The following OSBPL10 variants were observed in gnomAD, a reference collection of about 807,000 sequenced individuals.
OSBPL10 encodes the protein oxysterol binding protein like 10.
A neutral mutation model predicts 81.7 loss-of-function variants in OSBPL10; 49 were observed. That is an observed-to-expected ratio of 0.60 (90% CI 0.48 to 0.76). OSBPL10 has a LOEUF of 0.76. Among genes scored for constraint, OSBPL10 ranks in the 30% least tolerant of loss-of-function variants. OSBPL10 has a pLI of 0.00. For synonymous variants in OSBPL10, 419 were observed against 383.6 expected (o/e 1.09, Z -1.08); for missense variants, 923 against 987.8 (o/e 0.93, Z 0.88).
chr3:31,853,901 A>G (rs965238753), intron 3 of OSBPL10, among the ~76,000 whole-genome samples: 2 of 152,244 alleles, frequency 1.3e-5, no homozygotes, highest in Non-Finnish European at 2.9e-5. Context: ...AACCTAAGGC[A>G]GTTATTTATA....
rs778990882 is a variant in OSBPL10 at position 31,879,650 on chromosome 3, C to T, written c.457+5G>A. 1.9e-6 allele frequency: 3 copies of T among 1,606,652 alleles called. No individual in the cohort carries two copies. Among genetic ancestry groups the T allele is most frequent in the South Asian group, 2.2e-5 (2 of 89,668 alleles). ...GTCTGAAAAGTTACTGGGAGAAGAA[C>T]GCACCTCTCAGTTTAAACATCTCTC... is the stretch of plus-strand genomic sequence containing the variant. On this transcript the variant is annotated splice_donor_5th_base_variant and intron_variant, in intron 2 of 11. Coordinates refer to ENST00000396556, the MANE Select transcript of OSBPL10 (RefSeq NM_017784.5).
intron 4 of OSBPL10, among the ~76,000 whole-genome samples, chr3:31,812,728 AAGAAAGAAAGAAAGAAAGAAAG>A (rs1699720160): frequency 1.1e-4 from 2 of 17,682 alleles, no homozygotes; most frequent in Non-Finnish European, 1.9e-4. Flanking sequence ...AAAAGAAAGA[AAGAAAGAAAGAAAGAAAGAAAG>A]AAAGAAAGAA....
chr3:32,039,943 C>A (rs989418616), intron 2 of OSBPL10, among the ~76,000 whole-genome samples: 1 of 152,134 alleles, frequency 6.6e-6, no homozygotes, highest in African/African-American at 2.4e-5. Context: ...CCTGGCAGAT[C>A]AAATTCAACA....
chr3:31,811,315 G>T (rs748526802), intron 4 of OSBPL10, among the ~76,000 whole-genome samples: 77 of 152,188 alleles, frequency 5.1e-4, no homozygotes, highest in Non-Finnish European at 9.3e-4. Context: ...CCTTTGATGA[G>T]GAAGCCTCCA....
intron 4 of OSBPL10, among the ~76,000 whole-genome samples, chr3:31,760,387 G>A (rs9856466): frequency 1.1e-4 from 16 of 152,268 alleles, no homozygotes; most frequent in African/African-American, 3.1e-4. Flanking sequence ...CCAGGACTCC[G>A]CCTGGATATC....
Position 31,824,522 on chromosome 3 carries a change from G to A in OSBPL10, c.729+5518C>T, listed in dbSNP as rs115417084. Among the ~76,000 whole-genome samples the A allele has an allele frequency of 4.4e-3, 667 of 152,284 alleles. 5 individuals are homozygous for A. The highest frequency in any genetic ancestry group is 0.015 in the African/African-American group (629 of 41,554). ...GACCGATGGTTGCTACAAGAGCACT[G>A]GAAACGATCGCAAGGTTTGATATGT... On this transcript the variant is annotated intron_variant, in intron 4 of 11. Coordinates refer to ENST00000396556, the MANE Select transcript of OSBPL10 (RefSeq NM_017784.5).
intron 1 of OSBPL10, among the ~76,000 whole-genome samples, chr3:32,076,609 G>A (rs1178572544): frequency 1.3e-5 from 2 of 152,082 alleles, no homozygotes; most frequent in Non-Finnish European, 2.9e-5. Flanking sequence ...CTAGACAGCC[G>A]TTTTATCAAG....
chr3:31,990,965 A>G (rs1293089429), intron 2 of OSBPL10: 1 of 1,574,556 alleles, frequency 6.4e-7, no homozygotes, highest in African/African-American at 1.4e-5. Context: ...AAGCGTGGCA[A>G]GGTCTTCAGT....
intron 1 of OSBPL10, among the ~76,000 whole-genome samples, chr3:31,888,618 G>A (rs563092443): frequency 3.4e-4 from 51 of 151,582 alleles, no homozygotes; most frequent in African/African-American, 8.7e-4. Flanking sequence ...AAACAACAGC[G>A]AAAAAAAACC....
chr3:32,030,441 C>T, intron 2 of OSBPL10: 1 of 678,376 alleles, frequency 1.5e-6, no homozygotes, highest in Non-Finnish European at 2.7e-6. Context: ...AAGTTAAGGG[C>T]AAGATTCTTG....
chr3:31,738,846 T>C (rs1041917339), intron 5 of OSBPL10, among the ~76,000 whole-genome samples: 1 of 152,018 alleles, frequency 6.6e-6, no homozygotes, highest in African/African-American at 2.4e-5. Flanking sequence ...TTGAAAATAT[T>C]TACCAATGTA....
intron 1 of OSBPL10, among the ~76,000 whole-genome samples, chr3:31,924,103 A>G (rs1696997460): frequency 6.6e-6 from 1 of 151,848 alleles, no homozygotes; most frequent in Admixed American, 6.6e-5. Context: ...CTGGAATCCC[A>G]GCTACTTGGG....
At chr3:31,960,389 T>C (rs1698126189) in intron 1 of OSBPL10, 1 of 152,200 alleles carries the variant, frequency 6.6e-6, no homozygotes, top group Non-Finnish European at 1.5e-5. Flanking sequence ...GAACCCTGCA[T>C]TCAGGGTATT....
chr3:31,962,248 C>T (rs1398039431), intron 1 of OSBPL10, among the ~76,000 whole-genome samples: 10 of 152,178 alleles, frequency 6.6e-5, no homozygotes, highest in Non-Finnish European at 1.0e-4. Flanking sequence ...GGAGCCACCG[C>T]GCCTGGCCGG....
intron 6 of OSBPL10, chr3:31,708,680 T>C (rs1026347375): frequency 7.2e-6 from 7 of 967,312 alleles, no homozygotes; most frequent in Non-Finnish European, 8.6e-6. Flanking sequence ...AGTTTTGGCA[T>C]ATGAATGCCA....
chr3:31,806,935 G>A (rs1206964217), intron 4 of OSBPL10, among the ~76,000 whole-genome samples: 2 of 152,088 alleles, frequency 1.3e-5, no homozygotes, highest in African/African-American at 2.4e-5. Context: ...GGGTCTGGGA[G>A]GGAGGATTCT....
In OSBPL10 at chr3:31,677,339, C is replaced by T. The variant is rs140554281; in HGVS notation, c.1726+6295G>A. ...TTAATTAATACAAAAGATAAGGGGA[C>T]GCAGCTACTGAAGGGACTTAGGCAA... On this transcript the variant is annotated intron_variant, in intron 8 of 11. Coordinates refer to ENST00000396556, the MANE Select transcript of OSBPL10 (RefSeq NM_017784.5). Among the ~76,000 whole-genome samples the T allele has an allele frequency of 2.4e-4, 37 of 152,200 alleles. 1 individual carries two copies. In the East Asian group the frequency reaches 7.0e-3, roughly 29 times the overall value.
intron 2 of OSBPL10, among the ~76,000 whole-genome samples, chr3:32,044,533 G>A (rs1024794319): frequency 1.3e-5 from 2 of 151,186 alleles, no homozygotes; most frequent in African/African-American, 4.9e-5. Flanking sequence ...CTTGAGCTCG[G>A]GAGTTAGCGA....
At chr3:31,983,982 A>G (rs941395495), upstream of OSBPL10, among the ~76,000 whole-genome samples, 4 of 152,112 alleles carry the variant, frequency 2.6e-5, no homozygotes, top group African/African-American at 9.7e-5. Flanking sequence ...GGAGTGTATT[A>G]TTACTCAAAT....
Sources: gnomAD v4.1 joint callset for allele counts (sites outside exome capture counted in the v4.1 genomes callset) on GRCh38, gnomAD v4.1.1 for gene constraint, MANE v1.5 for transcripts, NCBI Gene and HGNC (gene_info 2026-07-23, HGNC 2026-07-21) for gene names.